SLC9A9: variants seen among roughly 807,000 people sequenced by gnomAD.
The protein encoded by SLC9A9 is sodium/hydrogen exchanger 9.
In SLC9A9, 62 loss-of-function variants were observed where a neutral mutation model predicts 77.8. The observed-to-expected ratio is 0.80, with a 90% CI of 0.65 to 0.98. SLC9A9 has a LOEUF of 0.98. Ranked by LOEUF, SLC9A9 falls within the 50% of genes least tolerant of loss-of-function variation. SLC9A9 has a pLI of 0.00. For synonymous variants in SLC9A9, 320 were observed against 283.5 expected (o/e 1.13, Z -1.29); for missense variants, 775 against 774.9 (o/e 1.00, Z 0.00).
intron 2 of SLC9A9, among the ~76,000 whole-genome samples, chr3:143,797,291 A>T (rs867561673): frequency 3.8e-4 from 58 of 152,068 alleles, no homozygotes; most frequent in African/African-American, 1.4e-3. Flanking sequence ...ATTTTGTCCC[A>T]TTCCAAAATT....
chr3:143,598,618 C>T (rs983252674), intron 6 of SLC9A9, among the ~76,000 whole-genome samples: 1 of 152,196 alleles, frequency 6.6e-6, no homozygotes, highest in Non-Finnish European at 1.5e-5. Flanking sequence ...ACATGCTACC[C>T]CGGAACATTA....
intron 14 of SLC9A9, among the ~76,000 whole-genome samples, chr3:143,342,794 A>T (rs979906553): frequency 1.3e-5 from 2 of 152,202 alleles, no homozygotes; most frequent in African/African-American, 4.8e-5. Context: ...CAGGTGGGGT[A>T]TGGTGTATCT....
intron 4 of SLC9A9, among the ~76,000 whole-genome samples, chr3:143,734,806 G>T (rs893736787): frequency 6.6e-6 from 1 of 151,932 alleles, no homozygotes; most frequent in Non-Finnish European, 1.5e-5. Flanking sequence ...TGTCACAGAG[G>T]TGACAGAGCT....
intron 14 of SLC9A9, among the ~76,000 whole-genome samples, chr3:143,325,335 C>T (rs112696751): frequency 1.4e-3 from 212 of 152,336 alleles, no homozygotes; most frequent in African/African-American, 4.8e-3. Context: ...GCCTGTAATA[C>T]TGGCCTTGTT....
intron 14 of SLC9A9, among the ~76,000 whole-genome samples, chr3:143,321,372 A>G (rs2031414614): frequency 6.6e-6 from 1 of 152,204 alleles, no homozygotes; most frequent in Admixed American, 6.5e-5. Flanking sequence ...GGAAATAGGT[A>G]GAATTATTGA....
intron 14 of SLC9A9, among the ~76,000 whole-genome samples, chr3:143,333,588 G>A (rs79184158): frequency 0.051 from 7,691 of 152,238 alleles, 395 homozygotes; most frequent in African/African-American, 0.13. Flanking sequence ...GACCACGAAG[G>A]TTTGGCTTTA....
intron 4 of SLC9A9, among the ~76,000 whole-genome samples, chr3:143,765,644 A>G (rs555009400): frequency 3.9e-5 from 6 of 152,334 alleles, no homozygotes; most frequent in African/African-American, 1.4e-4. Flanking sequence ...AAGTGACCAA[A>G]ATAATCTATG....
At chr3:143,372,043 A>G (rs746030931) in intron 13 of SLC9A9, 3 of 398,120 alleles carry the variant, frequency 7.5e-6, no homozygotes, top group South Asian at 5.9e-5. Context: ...GTAGAACTAC[A>G]AAAACACTGC....
At chr3:143,415,120 G>T (rs1032947119) in intron 12 of SLC9A9, among the ~76,000 whole-genome samples, 2 of 152,186 alleles carry the variant, frequency 1.3e-5, no homozygotes, top group Admixed American at 1.3e-4. Context: ...GATTGAGAGG[G>T]GTGAGGAAAC....
At chr3:143,534,497 A>G (rs1024567543) in intron 9 of SLC9A9, among the ~76,000 whole-genome samples, 2 of 151,950 alleles carry the variant, frequency 1.3e-5, no homozygotes, top group Non-Finnish European at 2.9e-5. Flanking sequence ...TGGAACTGCT[A>G]CTCTCCAGGG....
intron 14 of SLC9A9, among the ~76,000 whole-genome samples, chr3:143,324,035 G>A (rs2031501248): frequency 6.6e-6 from 1 of 151,944 alleles, no homozygotes; most frequent in Non-Finnish European, 1.5e-5. Flanking sequence ...GTCTGCTCTT[G>A]GTGGTAGAGG....
intron 4 of SLC9A9, among the ~76,000 whole-genome samples, chr3:143,751,760 G>A (rs1189159041): frequency 6.6e-6 from 1 of 152,148 alleles, no homozygotes; most frequent in Non-Finnish European, 1.5e-5. Context: ...ACTCAAGATC[G>A]GGCAGACATG....
At chr3:143,339,102 G>T (rs1054830804) in intron 14 of SLC9A9, among the ~76,000 whole-genome samples, 2 of 152,268 alleles carry the variant, frequency 1.3e-5, no homozygotes, top group Non-Finnish European at 1.5e-5. Context: ...CACTGTGTCA[G>T]TTGACAGCTT....
At chr3:143,277,018 C>T (rs1356684828) in intron 14 of SLC9A9, among the ~76,000 whole-genome samples, 1 of 152,192 alleles carries the variant, frequency 6.6e-6, no homozygotes, top group Non-Finnish European at 1.5e-5. Context: ...ATATCTATAG[C>T]ATCTACCTAT....
At chr3:143,305,640 C>T (rs899245630) in intron 14 of SLC9A9, among the ~76,000 whole-genome samples, 1 of 152,186 alleles carries the variant, frequency 6.6e-6, no homozygotes, top group African/African-American at 2.4e-5. Flanking sequence ...TATGAAAACA[C>T]AAATACTATC....
chr3:143,471,860 G>T (rs1266008365), intron 11 of SLC9A9, among the ~76,000 whole-genome samples: 1 of 152,138 alleles, frequency 6.6e-6, no homozygotes, highest in Non-Finnish European at 1.5e-5. Context: ...CCCTCTAAGG[G>T]ATTCTTATGT....
intron 4 of SLC9A9, among the ~76,000 whole-genome samples, chr3:143,734,437 T>C (rs1934887886): frequency 1.3e-5 from 2 of 152,030 alleles, no homozygotes; most frequent in Non-Finnish European, 2.9e-5. Context: ...GGGGAGGTGA[T>C]AGGTAAGTAG....
rs200568656 is a variant in SLC9A9, at chr3:143,425,264, C to CTT, written c.1469+41771_1469+41772dup. On this transcript the variant is annotated intron_variant, in intron 12 of 15. Coordinates refer to ENST00000316549, the MANE Select transcript of SLC9A9 (RefSeq NM_173653.4). ...TGATGTGGGGACCAATGAGGCTTAGCTTTTTTTTTTTTTTTTTTTTTTTAA... is the reference window on the plus strand; with the variant it reads ...TGATGTGGGGACCAATGAGGCTTAGCTTTTTTTTTTTTTTTTTTTTTTTTTAA... Among the ~76,000 whole-genome samples the CTT allele has an allele frequency of 3.7e-4, 36 of 98,566 alleles. 1 individual carries two copies. Among genetic ancestry groups the CTT allele is most frequent in the Non-Finnish European group, 5.6e-4 (28 of 49,846 alleles). The allele number at this position is 98,566 out of a possible 152,430, so 64.7% of individuals were successfully genotyped here. A position where few individuals can be genotyped will look rare whatever the true frequency, so the allele number is the denominator to read the frequency against.
intron 4 of SLC9A9, among the ~76,000 whole-genome samples, chr3:143,706,385 C>G (rs556688872): frequency 6.6e-6 from 1 of 152,148 alleles, no homozygotes; most frequent in Non-Finnish European, 1.5e-5. Context: ...GCTCCTGGAG[C>G]CCTGTTGTAG....
Sources: allele counts gnomAD v4.1 joint callset (sites outside exome capture counted in the v4.1 genomes callset), GRCh38; gene constraint gnomAD v4.1.1; transcripts MANE v1.5; gene names NCBI Gene and HGNC (gene_info 2026-07-23, HGNC 2026-07-21).